SGSM3: variants seen among roughly 807,000 people sequenced by gnomAD.
The protein encoded by SGSM3 is small G protein signaling modulator 3.
A neutral mutation model predicts 100.5 loss-of-function variants in SGSM3; 96 were observed. That is an observed-to-expected ratio of 0.96 (90% confidence interval 0.81 to 1.13). SGSM3 has a LOEUF of 1.13. Among genes scored for constraint, SGSM3 ranks in the 50% most tolerant of loss-of-function variants. SGSM3 has a pLI of 0.00. For synonymous variants in SGSM3, 483 were observed against 422.8 expected, an observed-to-expected ratio of 1.14 and a Z score of -1.75; for missense variants, 1,001 against 1,015.8, an observed-to-expected ratio of 0.99 and a Z score of 0.20.
At chr22:40,376,178 CTTTTTTTTT>C (rs10616868) in intron 1 of SGSM3, 5 of 86,842 alleles carry the variant, frequency 5.8e-5, no homozygotes, top group African/African-American at 8.2e-5. Flanking sequence ...CAAATTACCA[CTTTTTTTTT>C]TTTTTTTTTT....
intron 1 of SGSM3, among the ~76,000 whole-genome samples, chr22:40,383,433 C>G (rs957933884): frequency 2.0e-5 from 3 of 149,140 alleles, no homozygotes; most frequent in African/African-American, 5.0e-5. Flanking sequence ...CGCCACTGCA[C>G]TCCACCCTTG....
At chr22:40,394,999 G>T (rs540280288) in intron 1 of SGSM3, among the ~76,000 whole-genome samples, 1 of 152,146 alleles carries the variant, frequency 6.6e-6, no homozygotes, top group South Asian at 2.1e-4. Flanking sequence ...GCCACGTGCT[G>T]AATATTGTTA....
chr22:40,407,902 CTT>C lies in SGSM3; in HGVS notation c.1579+60_1579+61del. 2 of 1,539,326 alleles carry C rather than the reference CTT, an allele frequency of 1.3e-6. No homozygotes were observed. The highest frequency in any genetic ancestry group is 2.4e-5 in the South Asian group (2 of 84,434). ...GGGAGGAGGGGGTGGGCACAGAAGA[CTT>C]GGGTGACCCTGGCCGCCACCAAGCT... On this transcript the variant is annotated intron_variant, in intron 14 of 21. Transcript: ENST00000248929. This position sits in a 1 kb window ranked among gnomAD's most constrained non-coding sequence, Gnocchi z 4.7.
intron 1 of SGSM3, among the ~76,000 whole-genome samples, chr22:40,382,883 T>C (rs916657452): frequency 3.3e-5 from 5 of 152,232 alleles, no homozygotes; most frequent in African/African-American, 1.2e-4. Context: ...GGAAGATGAA[T>C]TGGCCACACA....
rs142415355 is a variant in SGSM3, at chr22:40,404,641, G to T, written c.451G>T (p.Asp151Tyr). The T allele has an allele frequency of 1.9e-6, 3 of 1,612,622 alleles. No individual in the cohort carries two copies. The highest frequency in any genetic ancestry group is 4.5e-5 in the East Asian group (2 of 44,842). ...YREIVKNSSN[D>Y]ETIAAKQIEK... The stretch of plus-strand genomic sequence containing the variant: ...CGAGATTGTGAAGAACAGCTCCAAC[G>T]ATGAGACCATCGCTGCCAAGCAGGT... The change falls in exon 6 of 22, where the codon GAT becomes TAT. Residue 151 changes from aspartate to tyrosine, a missense_variant. Physicochemically the swap from Asp to Tyr is radical, Grantham distance 160. Transcript: ENST00000248929.
Position 40,409,927 on chromosome 22 carries a change from A to AGG in SGSM3, c.*170_*171dup. The AGG allele has an allele frequency of 7.1e-7, 1 of 1,407,034 alleles. No homozygotes were observed. The highest frequency in any genetic ancestry group is 9.2e-7 in the Non-Finnish European group (1 of 1,087,006). The allele number at this position is 1,407,034 out of a possible 1,614,324, so 87.2% of individuals were successfully genotyped here. ...AGCACATCCCAGGTGGTGGGAGCAG[A>AGG]GGGTACCCTGCCCCACCAGGGTCCT... On this transcript the variant is annotated 3_prime_UTR_variant, in exon 22 of 22. Transcript: ENST00000248929.
At chr22:40,386,025 GT>G (rs68008146) in intron 1 of SGSM3, among the ~76,000 whole-genome samples, 24,960 of 145,102 alleles carry the variant, frequency 0.17, 2,608 homozygotes, top group Admixed American at 0.35. Context: ...CTAATTTTTT[GT>G]TTTTTTTTTT....
chr22:40,409,875 A>C lies in SGSM3; in HGVS notation c.*116A>C. 6.9e-7 allele frequency: 1 copy of C among 1,454,482 alleles called. No homozygotes were observed. Among genetic ancestry groups the C allele is most frequent in the African/African-American group, 1.4e-5 (1 of 70,466 alleles). 90.1% of individuals were successfully genotyped at this position (1,454,482 alleles called of 1,614,324 possible). A position where few individuals can be genotyped will look rare whatever the true frequency, so the allele number is the denominator to read the frequency against. ...CTGGCCGGGGCCGCGGGATATCAATATCAGGCTGCCCCACTCCACGTTCCC... is the reference window on the plus strand; with the variant it reads ...CTGGCCGGGGCCGCGGGATATCAATCTCAGGCTGCCCCACTCCACGTTCCC... On this transcript the variant is annotated 3_prime_UTR_variant, in exon 22 of 22. Coordinates refer to ENST00000248929, the MANE Select transcript of SGSM3 (RefSeq NM_015705.6).
chr22:40,405,326 C>A (rs549270636), intron 7 of SGSM3, 42 bp downstream of exon 7: 1 of 1,430,130 alleles, frequency 7.0e-7, no homozygotes, highest in South Asian at 1.6e-5. Context: ...CCCCAGGACC[C>A]CCTCCAGGAC....
In SGSM3 at chr22:40,407,226, G is replaced by A. The variant is rs200302459; in HGVS notation, c.1266G>A (p.Lys422=). The A allele has an allele frequency of 8.7e-6, 14 of 1,613,692 alleles. No individual in the cohort carries two copies. The East Asian group carries it at 2.5e-4, about 28-fold the overall frequency. ...LFGEDDLEAL[K]AKNIKQTELV... is the part of the protein sequence containing the mutation. ...GGGAGGATGACCTGGAGGCACTCAA[G>A]GCCAAGAACATCAAGCAGACGGAAC... The change falls in exon 12 of 22, where the codon AAG becomes AAA. Residue 422 remains lysine, a synonymous_variant. Coordinates refer to ENST00000248929, the MANE Select transcript of SGSM3 (RefSeq NM_015705.6). The surrounding 1 kb of genome is among the most constrained non-coding windows in gnomAD (Gnocchi z 4.7).
chr22:40,407,281 C>T lies in SGSM3; in HGVS notation c.1321C>T (p.Arg441Cys), dbSNP rs151232460. The T allele has an allele frequency of 2.5e-4, 405 of 1,613,588 alleles. 5 individuals are homozygous for T. The South Asian group carries it at 3.4e-3, about 14-fold the overall frequency. Residue 441 changes from arginine to cysteine, a missense_variant, in exon 12 of 22, where the codon CGC becomes TGC. Coordinates refer to ENST00000248929, the MANE Select transcript of SGSM3 (RefSeq NM_015705.6). This position sits in a 1 kb window ranked among gnomAD's most constrained non-coding sequence, Gnocchi z 4.7. The part of the protein sequence containing the change: ...LVADLREAIL[R>C]VARHFQCTDP... ...GGCTGACCTCCGGGAAGCCATCCTG[C>T]GCGTGGCACGCCACTTCCAGTGCAC... is the stretch of plus-strand genomic sequence containing the variant.
rs2050505678 is a variant in SGSM3 at position 40,399,861 on chromosome 22, G to T, written c.-111-835G>T. ...TTTGGGTACCAAAGCCTCTGTAACA[G>T]TCAGGAATGTTCTGCTGTGGCCTTT... On this transcript the variant is annotated intron_variant, in intron 1 of 21. Transcript: ENST00000248929. 2.0e-5 allele frequency among the ~76,000 whole-genome samples: 3 copies of T among 152,244 alleles called. 1 individual carries two copies. In the South Asian group the frequency reaches 6.2e-4, roughly 32 times the overall value.
rs755568264 is a variant in SGSM3 at position 40,407,305 on chromosome 22, A to G, written c.1345A>G (p.Thr449Ala). 3.7e-6 allele frequency: 6 copies of G among 1,613,562 alleles called. No individual in the cohort carries two copies. In the East Asian group the frequency reaches 8.9e-5, roughly 24 times the overall value. ...GCGCGTGGCACGCCACTTCCAGTGC[A>G]CAGACCCCAAAAACTGCAGCGTGGT... ...ILRVARHFQC[T>A]DPKNCSVELT... The change falls in exon 12 of 22, where the codon ACA (threonine) becomes GCA (alanine). Residue 449 changes from threonine to alanine, a missense_variant. Physicochemically the swap from Thr to Ala is moderately conservative, Grantham distance 58. Coordinates refer to ENST00000248929, the MANE Select transcript of SGSM3 (RefSeq NM_015705.6). This position sits in a 1 kb window ranked among gnomAD's most constrained non-coding sequence, Gnocchi z 4.7.
chr22:40,392,215 G>GTT (rs1004863104), intron 1 of SGSM3, among the ~76,000 whole-genome samples: 1 of 146,694 alleles, frequency 6.8e-6, no homozygotes, highest in African/African-American at 2.5e-5. Context: ...AGTATTGTCA[G>GTT]TTTTTTTTTT....
At chr22:40,402,083 C>T in intron 3 of SGSM3, 56 bp from the exon 4 acceptor site, 1 of 1,356,682 alleles carries the variant, frequency 7.4e-7, no homozygotes, top group Non-Finnish European at 1.1e-6. Context: ...ATCTTTCAGA[C>T]CTGAGGCCCC....
Position 40,375,994 on chromosome 22 carries a change from TCACACCA to T in SGSM3, c.-112+5319_-112+5325del, listed in dbSNP as rs540896795. Among the ~76,000 whole-genome samples, 218 of 150,748 alleles carry T rather than the reference TCACACCA, an allele frequency of 1.4e-3. 1 individual carries two copies. Among genetic ancestry groups the T allele is most frequent in the Non-Finnish European group, 2.7e-3 (183 of 67,682 alleles). On this transcript the variant is annotated intron_variant, in intron 1 of 21. Transcript: ENST00000248929. The stretch of plus-strand genomic sequence containing the variant: ...AGATTGAAGCTGTAGTGAGCTGTGA[TCACACCA>T]CACACCACACACTCCAGCCTGGGTG...
At position 40,403,482 on chromosome 22, in the gene SGSM3, A is replaced by G. The variant is rs1415349605; in HGVS notation, c.158-765A>G. 2.6e-5 allele frequency among the ~76,000 whole-genome samples: 4 copies of G among 152,250 alleles called. No individual in the cohort carries two copies. In the East Asian group the frequency reaches 7.7e-4, roughly 29 times the overall value. On this transcript the variant is annotated intron_variant, in intron 4 of 21. Coordinates refer to ENST00000248929, the MANE Select transcript of SGSM3 (RefSeq NM_015705.6). ...CATTTTAGTGAGGGAGACAGGCAGT[A>G]AACAAGCATGTAATATTCTGGAGCA...
chr22:40,382,303 A>G (rs2047698067), intron 1 of SGSM3, among the ~76,000 whole-genome samples: 1 of 152,168 alleles, frequency 6.6e-6, no homozygotes, highest in South Asian at 2.1e-4. Context: ...AGCAACAATA[A>G]TCATTTTATT....
chr22:40,393,406 A>G (rs1967764204), intron 1 of SGSM3, among the ~76,000 whole-genome samples: 1 of 152,254 alleles, frequency 6.6e-6, no homozygotes. Context: ...GGCGTGAGCC[A>G]CTGTGCCAGG....
Sources: allele counts gnomAD v4.1 joint callset (sites outside exome capture counted in the v4.1 genomes callset), GRCh38; gene constraint gnomAD v4.1.1; non-coding constraint Gnocchi (gnomAD v3.1); transcripts MANE v1.5; gene names NCBI Gene and HGNC (gene_info 2026-07-23, HGNC 2026-07-21).